PIP5K1B: variants seen among roughly 807,000 people sequenced by gnomAD.
PIP5K1B encodes the protein phosphatidylinositol 4-phosphate 5-kinase type-1 beta.
Under a neutral mutation model 67.0 loss-of-function variants are expected in PIP5K1B, and 42 were observed. The ratio of observed to expected loss-of-function variants is 0.63; its 90% CI spans 0.49 to 0.81. The LOEUF is 0.81. PIP5K1B is among the 30% of genes least tolerant of loss of function. The pLI is 0.00. For missense variants in PIP5K1B, 459 were observed against 646.3 expected, an observed-to-expected ratio of 0.71 and a Z score of 3.14; for synonymous variants, 214 against 231.4, an observed-to-expected ratio of 0.92 and a Z score of 0.68.
At position 68,917,636 on chromosome 9, in the gene PIP5K1B, C is replaced by T. The variant is rs1587663788; in HGVS notation, c.860C>T (p.Thr287Ile). The T allele has an allele frequency of 2.0e-5, 32 of 1,613,774 alleles. No individual in the cohort carries two copies. Among genetic ancestry groups the T allele is most frequent in the Non-Finnish European group, 2.7e-5 (32 of 1,179,670 alleles). The change falls in exon 9 of 16, where the codon ACC (threonine) becomes ATC (isoleucine). Residue 287 changes from threonine (T) to isoleucine (I), a missense_variant. By Grantham distance (89) the Thr-to-Ile change is moderately conservative. Around this residue, in one of 2 missense-constraint regions of PIP5K1B, gnomAD observed 290 missense variants for 474.4 expected, o/e 0.61. Coordinates refer to ENST00000265382, the MANE Select transcript of PIP5K1B (RefSeq NM_003558.4). ...DHSLKEKEEE[T>I]PQNVPDAKRT... ...TCCCTCAAAGAGAAAGAGGAGGAGA[C>T]CCCACAAAATGTGCCTGATGCTAAG...
intron 7 of PIP5K1B, among the ~76,000 whole-genome samples, chr9:68,889,892 T>C (rs890574863): frequency 6.6e-6 from 1 of 152,212 alleles, no homozygotes; most frequent in South Asian, 2.1e-4. Context: ...TGGTTAACTT[T>C]CATGGATTGC....
At chr9:68,803,359 T>C (rs1487243607) in intron 2 of PIP5K1B, among the ~76,000 whole-genome samples, 2 of 152,126 alleles carry the variant, frequency 1.3e-5, no homozygotes, top group Admixed American at 1.3e-4. Context: ...TTAAACCCAT[T>C]GGTGATGGAA....
chr9:68,839,815 T>C (rs1821823842), intron 4 of PIP5K1B, among the ~76,000 whole-genome samples: 1 of 152,090 alleles, frequency 6.6e-6, no homozygotes, highest in African/African-American at 2.4e-5. Context: ...TCCTGTTAGG[T>C]CCAGCCATGG....
At chr9:68,745,671 A>G (rs1829259933) in intron 2 of PIP5K1B, among the ~76,000 whole-genome samples, 1 of 152,208 alleles carries the variant, frequency 6.6e-6, no homozygotes, top group South Asian at 2.1e-4. Context: ...TCCATCCAGG[A>G]AGCTCCCTCT....
At chr9:68,777,560 T>C (rs1203820465) in intron 2 of PIP5K1B, among the ~76,000 whole-genome samples, 1 of 152,186 alleles carries the variant, frequency 6.6e-6, no homozygotes, top group Non-Finnish European at 1.5e-5. Flanking sequence ...CATACATGAC[T>C]CAGTCAATTC....
At chr9:68,734,835 A>G (rs1828645590) in intron 1 of PIP5K1B, among the ~76,000 whole-genome samples, 1 of 152,218 alleles carries the variant, frequency 6.6e-6, no homozygotes, top group African/African-American at 2.4e-5. Flanking sequence ...TGTTGTAGGA[A>G]CCTTCTACTA....
intron 3 of PIP5K1B, among the ~76,000 whole-genome samples, chr9:68,821,726 C>G (rs1349136803): frequency 6.6e-6 from 1 of 152,032 alleles, no homozygotes; most frequent in Non-Finnish European, 1.5e-5. Context: ...GAATTGAGTC[C>G]AAGAAAACAT....
At chr9:68,961,037 C>T (rs1011233164) in intron 14 of PIP5K1B, among the ~76,000 whole-genome samples, 1 of 151,858 alleles carries the variant, frequency 6.6e-6, no homozygotes, top group Non-Finnish European at 1.5e-5. Context: ...GGTGAAACCC[C>T]GTCTCTACTA....
intron 2 of PIP5K1B, among the ~76,000 whole-genome samples, chr9:68,746,306 T>C (rs1420770191): frequency 1.3e-5 from 2 of 152,146 alleles, no homozygotes; most frequent in Non-Finnish European, 2.9e-5. Flanking sequence ...CTTGAACTTC[T>C]GGCCTCAAGT....
chr9:68,724,458 T>A (rs962430007), intron 1 of PIP5K1B, among the ~76,000 whole-genome samples: 1 of 152,152 alleles, frequency 6.6e-6, no homozygotes, highest in Non-Finnish European at 1.5e-5. Flanking sequence ...AGAGATTGCA[T>A]TGAATCTACT....
chr9:68,989,842 T>C (rs752424064), intron 14 of PIP5K1B, among the ~76,000 whole-genome samples: 1 of 152,084 alleles, frequency 6.6e-6, no homozygotes, highest in African/African-American at 2.4e-5. Context: ...TAGCCAGGCA[T>C]GGTGGTGCAC....
rs988090795 is a variant in PIP5K1B, at chr9:68,892,861, A to G, written c.472-1478A>G. Among the ~76,000 whole-genome samples the G allele has an allele frequency of 5.3e-5, 8 of 152,312 alleles. No homozygotes were observed. The South Asian group carries it at 1.0e-3, about 20-fold the overall frequency. ...CAAGGCAGGAGGATCACTTGAGGTC[A>G]GGAGTTCGAGACCAGCCTGGCCGAC... On this transcript the variant is annotated intron_variant, in intron 7 of 15. Coordinates refer to ENST00000265382, the MANE Select transcript of PIP5K1B (RefSeq NM_003558.4).
At chr9:68,750,547 T>A (rs10115871) in intron 2 of PIP5K1B, among the ~76,000 whole-genome samples, 52,590 of 152,116 alleles carry the variant, frequency 0.35, 9,543 homozygotes, top group East Asian at 0.45. Context: ...TAGAAAGTGA[T>A]TTGAATAGAT....
chr9:68,774,698 G>A (rs1830828782), intron 2 of PIP5K1B, among the ~76,000 whole-genome samples: 1 of 152,126 alleles, frequency 6.6e-6, no homozygotes, highest in Admixed American at 6.5e-5. Flanking sequence ...CCTCATCCAA[G>A]GGGAAACATT....
chr9:68,960,131 A>C (rs1240014184), intron 14 of PIP5K1B, among the ~76,000 whole-genome samples: 1 of 152,202 alleles, frequency 6.6e-6, no homozygotes, highest in Non-Finnish European at 1.5e-5. Context: ...AAATGTCTTT[A>C]TGCTAACGTC....
chr9:68,958,294 G>A (rs185660646), intron 14 of PIP5K1B, among the ~76,000 whole-genome samples: 7 of 152,244 alleles, frequency 4.6e-5, no homozygotes, highest in Non-Finnish European at 8.8e-5. Context: ...GCAAAGACAG[G>A]ACACTATGGC....
intron 6 of PIP5K1B, among the ~76,000 whole-genome samples, chr9:68,881,451 C>A (rs936490626): frequency 9.2e-5 from 14 of 152,202 alleles, no homozygotes; most frequent in Admixed American, 3.3e-4. Context: ...TGGGGCTACT[C>A]AAACCCACAC....
intron 14 of PIP5K1B, among the ~76,000 whole-genome samples, chr9:68,975,841 T>G (rs1829610687): frequency 6.6e-6 from 1 of 152,204 alleles, no homozygotes; most frequent in Non-Finnish European, 1.5e-5. Context: ...CTTGTGTATT[T>G]GTGTCTCTAT....
rs545862913 is a variant in PIP5K1B, at chr9:68,952,051, C to T, written c.1502+11261C>T. On this transcript the variant is annotated intron_variant, in intron 14 of 15. Transcript: ENST00000265382. ...CCCTCCTCCTACACCCTTCCAGTTT[C>T]CCTGTATAGTTACATCTTGACTGTA... is the stretch of plus-strand genomic sequence containing the variant. Among the ~76,000 whole-genome samples, 864 of 152,202 alleles carry T rather than the reference C, an allele frequency of 5.7e-3. 6 individuals carry two copies. The highest frequency in any genetic ancestry group is 0.01 in the Middle Eastern group (3 of 294).
Sources: allele counts gnomAD v4.1 joint callset (sites outside exome capture counted in the v4.1 genomes callset), GRCh38; gene constraint gnomAD v4.1.1; regional missense constraint gnomAD v4.1.1; transcripts MANE v1.5; gene names NCBI Gene and HGNC (gene_info 2026-07-23, HGNC 2026-07-21).